ATG2B: variants seen among roughly 807,000 people sequenced by gnomAD.
The protein encoded by ATG2B is autophagy related 2B.
A neutral mutation model predicts 241.3 loss-of-function variants in ATG2B; 121 were observed. The ratio of observed to expected loss-of-function variants is 0.50; its 90% CI spans 0.43 to 0.58. The LOEUF is 0.58. Among genes scored for constraint, ATG2B ranks in the 20% least tolerant of loss-of-function variants. The pLI is 0.00. For synonymous variants in ATG2B, 858 were observed against 876.6 expected, an observed-to-expected ratio of 0.98 and a Z score of 0.37; for missense variants, 2,306 against 2,491.6, an observed-to-expected ratio of 0.93 and a Z score of 1.59.
chr14:96,287,754 G>A (rs575842846), intron 41 of ATG2B, among the ~76,000 whole-genome samples: 4 of 152,186 alleles, frequency 2.6e-5, no homozygotes, highest in South Asian at 4.1e-4. Context: ...GGGCCACACA[G>A]AAGGTATTTG....
chr14:96,300,516 G>A (rs752279815), intron 34 of ATG2B, among the ~76,000 whole-genome samples: 26 of 152,110 alleles, frequency 1.7e-4, no homozygotes, highest in Admixed American at 1.3e-4. Flanking sequence ...GAGACACTGT[G>A]GCGGGGGAAG....
In ATG2B at chr14:96,347,195, C is replaced by T. The variant is rs1422820533; in HGVS notation, c.309G>A (p.Arg103=). ...LEVRGLEMVF[R]PRPRPATGSE... Reference sequence around the variant, plus strand: ...CACACCAACCTGGGCGAGGTCTAGGCCGGAAGACCATTTCTAATCCTCTCA... The same window carrying T: ...CACACCAACCTGGGCGAGGTCTAGGTCGGAAGACCATTTCTAATCCTCTCA... Residue 103 remains arginine, a synonymous_variant, in exon 2 of 42, where the codon CGG becomes CGA. Coordinates refer to ENST00000359933, the MANE Select transcript of ATG2B (RefSeq NM_018036.7). 5 of 1,594,258 alleles carry T rather than the reference C, an allele frequency of 3.1e-6. No homozygotes were observed. Among genetic ancestry groups the T allele is most frequent in the Non-Finnish European group, 4.3e-6 (5 of 1,164,562 alleles).
intron 6 of ATG2B, among the ~76,000 whole-genome samples, chr14:96,338,023 A>G (rs1887911230): frequency 6.6e-6 from 1 of 151,822 alleles, no homozygotes; most frequent in Non-Finnish European, 1.5e-5. Context: ...ATTGTATTTT[A>G]TTTTATTTTA....
intron 15 of ATG2B, among the ~76,000 whole-genome samples, chr14:96,325,127 C>T (rs1887556158): frequency 6.6e-6 from 1 of 152,184 alleles, no homozygotes; most frequent in African/African-American, 2.4e-5. Context: ...AAAGCTCAAG[C>T]TCCACTGTCA....
chr14:96,327,128 TG>T (rs902705626), intron 14 of ATG2B, among the ~76,000 whole-genome samples: 8 of 151,902 alleles, frequency 5.3e-5, no homozygotes, highest in Non-Finnish European at 4.4e-5. Flanking sequence ...CCCAACTATT[TG>T]GGGGGCTGAG....
Position 96,285,702 on chromosome 14 carries a change from C to T in ATG2B, c.*53G>A, listed in dbSNP as rs912552338. The T allele has an allele frequency of 4.5e-6, 7 of 1,546,706 alleles. 1 individual carries two copies. The South Asian group carries it at 6.8e-5, about 15-fold the overall frequency. On this transcript the variant is annotated 3_prime_UTR_variant, in exon 42 of 42. Coordinates refer to ENST00000359933, the MANE Select transcript of ATG2B (RefSeq NM_018036.7). This position sits in a 1 kb window ranked among gnomAD's most constrained non-coding sequence, Gnocchi z 4.2. ...GCTTCCTCTGAAGCTGCTGTCAGGA[C>T]TCTGAGCTCCTGGTTCCACTCTCCT...
intron 36 of ATG2B, 142 bp downstream of exon 36, chr14:96,294,818 A>G (rs1399001931): frequency 5.6e-6 from 4 of 719,888 alleles, no homozygotes; most frequent in African/African-American, 5.4e-5. Flanking sequence ...TGGGGACCAC[A>G]AACAGATAAA....
intron 41 of ATG2B, among the ~76,000 whole-genome samples, chr14:96,287,059 T>A (rs923336357): frequency 1.8e-4 from 28 of 151,782 alleles, no homozygotes; most frequent in African/African-American, 6.8e-4. Flanking sequence ...ATCAAGACCA[T>A]CCTGGCTAAC....
In ATG2B at chr14:96,313,432, A is replaced by C; in HGVS notation, c.3646T>G (p.Leu1216Val). 6.5e-7 allele frequency: 1 copy of C among 1,540,674 alleles called. No homozygotes were observed. The highest frequency in any genetic ancestry group is 1.2e-5 in the South Asian group (1 of 80,822). The change falls in exon 24 of 42, where the codon TTA (leucine) becomes GTA (valine). Residue 1216 changes from leucine to valine, a missense_variant. This residue lies in a region of ATG2B where 1,927 missense variants were observed against 2,011.2 expected (regional missense o/e 0.96). Transcript: ENST00000359933. ...PSGLSWHEQI[L>V]YFLNIADEPV... ...TCATCAGCAATATTCAAGAAGTATA[A>C]AATCTATAATCACAAAAAATTAAAA... is the stretch of plus-strand genomic sequence containing the variant.
In ATG2B at chr14:96,290,433, T is replaced by C. The variant is rs1233904606; in HGVS notation, c.5856+3A>G. 6.2e-7 allele frequency: 1 copy of C among 1,613,908 alleles called. No homozygotes were observed. Among genetic ancestry groups the C allele is most frequent in the African/African-American group, 1.3e-5 (1 of 74,940 alleles). ...GATAGACTAAGGCAGTCTAAAAAGA[T>C]ACCTGTATGGTTTGAACCATTCTGT... On this transcript the variant is annotated splice_donor_region_variant and intron_variant, in intron 40 of 41. Coordinates refer to ENST00000359933, the MANE Select transcript of ATG2B (RefSeq NM_018036.7). The surrounding 1 kb of genome is among the most constrained non-coding windows in gnomAD (Gnocchi z 4.4).
Position 96,333,824 on chromosome 14 carries a change from G to C in ATG2B, c.1071C>G (p.Pro357=), listed in dbSNP as rs991559107. The C allele has an allele frequency of 6.2e-7, 1 of 1,613,800 alleles. No individual in the cohort carries two copies. The highest frequency in any genetic ancestry group is 8.5e-7 in the Non-Finnish European group (1 of 1,179,842). ...TTCGATACTCGTCTTCCTGCTGCAT[G>C]GGTCGATTTTTCCTATCTTTATTAG... ...GLANKDRKNR[P]MQQEDEYRIQ... The change falls in exon 8 of 42, where the codon CCC becomes CCG. Residue 357 remains proline (P), a synonymous_variant. Coordinates refer to ENST00000359933, the MANE Select transcript of ATG2B (RefSeq NM_018036.7).
At chr14:96,337,511 A>G (rs1887898383) in intron 6 of ATG2B, among the ~76,000 whole-genome samples, 1 of 152,118 alleles carries the variant, frequency 6.6e-6, no homozygotes, top group African/African-American at 2.4e-5. Flanking sequence ...TACAACCACT[A>G]CAGAGAACAG....
At chr14:96,304,028 T>A (rs1442152710) in intron 32 of ATG2B, among the ~76,000 whole-genome samples, 2 of 152,214 alleles carry the variant, frequency 1.3e-5, no homozygotes, top group African/African-American at 4.8e-5. Flanking sequence ...TCAGACAAGC[T>A]GGTAGAATTA....
At chr14:96,316,893 T>C (rs1887327993) in intron 20 of ATG2B, among the ~76,000 whole-genome samples, 1 of 152,218 alleles carries the variant, frequency 6.6e-6, no homozygotes, top group South Asian at 2.1e-4. Context: ...GATGAATCTC[T>C]GTACTTTGTT....
intron 9 of ATG2B, 35 bp from the exon 10 acceptor site, chr14:96,332,445 T>C: frequency 6.2e-7 from 1 of 1,611,770 alleles, no homozygotes; most frequent in African/African-American, 1.3e-5. Context: ...ATGAATGAAG[T>C]GTAGAATTTT....
chr14:96,298,442 G>A (rs1886706572), intron 34 of ATG2B, among the ~76,000 whole-genome samples: 1 of 152,204 alleles, frequency 6.6e-6, no homozygotes, highest in Non-Finnish European at 1.5e-5. Context: ...ATTCAACCAA[G>A]AGAAGTGAAA....
chr14:96,329,417 C>CA, intron 12 of ATG2B, 67 bp downstream of exon 12: 2 of 1,143,964 alleles, frequency 1.7e-6, no homozygotes, highest in Non-Finnish European at 2.4e-6. Context: ...ATCATTGCCT[C>CA]ATACAATCAT....
intron 12 of ATG2B, 66 bp downstream of exon 12, chr14:96,329,418 A>C (rs1887671383): frequency 8.5e-7 from 1 of 1,182,710 alleles, no homozygotes; most frequent in Non-Finnish European, 1.2e-6. Context: ...TCATTGCCTC[A>C]TACAATCATT....
chr14:96,323,954 G>A lies in ATG2B; in HGVS notation c.2482C>T (p.His828Tyr). The change falls in exon 16 of 42, where the codon CAT (histidine) becomes TAT (tyrosine). Residue 828 changes from histidine (H) to tyrosine (Y), a missense_variant. Physicochemically the swap from His to Tyr is moderately conservative, Grantham distance 83. Transcript: ENST00000359933. ...EKGDPSIKFF[H>Y]VSSGVDGDTT... ...TCTCCATCTACTCCACTAGACACAT[G>A]GAAAAACTTAATAGATGGATCTCCT... The A allele has an allele frequency of 2.5e-6, 4 of 1,610,916 alleles. No individual in the cohort carries two copies. The highest frequency in any genetic ancestry group is 3.4e-6 in the Non-Finnish European group (4 of 1,179,136).
Sources: allele counts gnomAD v4.1 joint callset (sites outside exome capture counted in the v4.1 genomes callset), GRCh38; gene constraint gnomAD v4.1.1; regional missense constraint gnomAD v4.1.1; non-coding constraint Gnocchi (gnomAD v3.1); transcripts MANE v1.5; gene names NCBI Gene and HGNC (gene_info 2026-07-23, HGNC 2026-07-21).